The following ATRNL1 variants were observed in gnomAD, a reference collection of about 807,000 sequenced individuals.
ATRNL1 encodes the protein attractin-like protein 1.
ATRNL1 carries 95 observed loss-of-function variants against 182.7 expected under a neutral mutation model. The ratio of observed to expected loss-of-function variants is 0.52; its 90% CI spans 0.44 to 0.62. The LOEUF is 0.62. Ranked by LOEUF, ATRNL1 falls within the 20% of genes least tolerant of loss-of-function variation. The pLI is 0.00. For synonymous variants in ATRNL1, 576 were observed against 568.3 expected, an observed-to-expected ratio of 1.01 and a Z score of -0.19; for missense variants, 1,471 against 1,679.5, an observed-to-expected ratio of 0.88 and a Z score of 2.17.
chr10:115,916,132 TC>T (rs1162419956), intron 28 of ATRNL1, among the ~76,000 whole-genome samples: 1 of 152,026 alleles, frequency 6.6e-6, no homozygotes, highest in Admixed American at 6.5e-5. Flanking sequence ...TAGAATGCTT[TC>T]CAGTTTAAAT....
At chr10:115,300,323 G>A (rs949618310) in intron 16 of ATRNL1, 76 bp downstream of exon 16, 2 of 1,176,962 alleles carry the variant, frequency 1.7e-6, no homozygotes, top group East Asian at 2.5e-5. Context: ...CTTCTAGGGT[G>A]TAGTCTTATT....
chr10:115,613,291 GTTGT>G (rs1353108087), intron 26 of ATRNL1, among the ~76,000 whole-genome samples: 4 of 152,258 alleles, frequency 2.6e-5, no homozygotes, highest in Admixed American at 2.0e-4. Context: ...AGATTATCGT[GTTGT>G]TTGTTCTTTA....
intron 27 of ATRNL1, among the ~76,000 whole-genome samples, chr10:115,730,900 C>A (rs1555062548): frequency 6.6e-6 from 1 of 152,126 alleles, no homozygotes; most frequent in East Asian, 1.9e-4. Context: ...GAGAGCCAGT[C>A]CAAGTCCCAA....
At chr10:115,636,988 A>G (rs868989341) in intron 26 of ATRNL1, among the ~76,000 whole-genome samples, 10 of 152,216 alleles carry the variant, frequency 6.6e-5, no homozygotes, top group Non-Finnish European at 2.9e-5. Flanking sequence ...AGGACGATAA[A>G]AAAAGAAGAA....
intron 27 of ATRNL1, among the ~76,000 whole-genome samples, chr10:115,823,142 A>AATGT (rs1950344224): frequency 1.3e-5 from 2 of 150,964 alleles, no homozygotes; most frequent in Admixed American, 6.6e-5. Flanking sequence ...CTAATCAATA[A>AATGT]AATCCATCAC....
At chr10:115,346,525 TACAC>T (rs1439062063) in intron 19 of ATRNL1, among the ~76,000 whole-genome samples, 19 of 152,336 alleles carry the variant, frequency 1.2e-4, no homozygotes, top group African/African-American at 4.1e-4. Flanking sequence ...ATCTAGTTCT[TACAC>T]ACATCATATT....
intron 21 of ATRNL1, among the ~76,000 whole-genome samples, chr10:115,436,184 T>A (rs1846397645): frequency 6.6e-6 from 1 of 152,252 alleles, no homozygotes; most frequent in African/African-American, 2.4e-5. Flanking sequence ...GTTTTCTTCA[T>A]TGAACATTTC....
chr10:115,467,794 A>G (rs1026481282), intron 23 of ATRNL1, among the ~76,000 whole-genome samples: 38 of 150,692 alleles, frequency 2.5e-4, no homozygotes, highest in African/African-American at 8.5e-4. Flanking sequence ...TGACTTAAAA[A>G]GTATATCTGA....
At chr10:115,899,284 C>CTTCATCCA (rs1278998860) in intron 28 of ATRNL1, among the ~76,000 whole-genome samples, 1 of 152,050 alleles carries the variant, frequency 6.6e-6, no homozygotes, top group African/African-American at 2.4e-5. Flanking sequence ...TGGTTTCCAG[C>CTTCATCCA]TTCATCCATG....
chr10:115,208,622 C>T (rs1022532094), intron 8 of ATRNL1, among the ~76,000 whole-genome samples: 1 of 152,010 alleles, frequency 6.6e-6, no homozygotes, highest in Non-Finnish European at 1.5e-5. Flanking sequence ...TCCTGTAGTA[C>T]GAGGCCATTT....
chr10:115,944,671 C>T lies in ATRNL1; in HGVS notation c.4032C>T (p.Ala1344=). The change falls in exon 29 of 29, where the codon GCC becomes GCT. Residue 1344 remains alanine (A), a synonymous_variant. Transcript: ENST00000355044. ...CTTTCCTTCCAGGCCTTGCAATTGC[C>T]AGTGCCCTAATAGATATTTCACAAC... The part of the protein sequence containing the change: ...PPPGQSGLAI[A]SALIDISQQK... The T allele has an allele frequency of 6.2e-7, 1 of 1,610,496 alleles. No individual in the cohort carries two copies. Among genetic ancestry groups the T allele is most frequent in the Non-Finnish European group, 8.5e-7 (1 of 1,177,896 alleles).
intron 24 of ATRNL1, among the ~76,000 whole-genome samples, chr10:115,499,646 A>T (rs1280132327): frequency 6.6e-6 from 1 of 152,206 alleles, no homozygotes; most frequent in Non-Finnish European, 1.5e-5. Flanking sequence ...AGATGGGAAG[A>T]CTTGAAGGAG....
intron 27 of ATRNL1, among the ~76,000 whole-genome samples, chr10:115,766,024 A>G (rs1455862882): frequency 6.6e-6 from 1 of 152,018 alleles, no homozygotes; most frequent in Non-Finnish European, 1.5e-5. Context: ...CATACTATGT[A>G]TTTTCTTTAT....
chr10:115,504,647 A>G (rs549793715), intron 24 of ATRNL1, among the ~76,000 whole-genome samples: 2 of 152,246 alleles, frequency 1.3e-5, no homozygotes, highest in East Asian at 3.9e-4. Context: ...TATGCTGGCA[A>G]TTCTTAACAC....
At chr10:115,711,350 G>A (rs1214871895) in intron 26 of ATRNL1, among the ~76,000 whole-genome samples, 4 of 152,126 alleles carry the variant, frequency 2.6e-5, no homozygotes, top group Non-Finnish European at 5.9e-5. Context: ...TCATCTGCAG[G>A]CAGACTTGCT....
At chr10:115,794,674 A>G (rs554071814) in intron 27 of ATRNL1, among the ~76,000 whole-genome samples, 2 of 152,228 alleles carry the variant, frequency 1.3e-5, no homozygotes, top group Admixed American at 1.3e-4. Flanking sequence ...AAGTGATTCT[A>G]TATTCTTTTC....
At chr10:115,398,227 G>T (rs1274424650) in intron 20 of ATRNL1, among the ~76,000 whole-genome samples, 2 of 151,990 alleles carry the variant, frequency 1.3e-5, no homozygotes, top group African/African-American at 4.8e-5. Flanking sequence ...GCCGCAGTGG[G>T]CAGGGCATCA....
intron 27 of ATRNL1, among the ~76,000 whole-genome samples, chr10:115,763,687 T>C (rs1948788035): frequency 6.6e-6 from 1 of 152,142 alleles, no homozygotes; most frequent in Non-Finnish European, 1.5e-5. Context: ...GTCTGTTATA[T>C]GTATTTAGAA....
In ATRNL1 at chr10:115,832,433, CT is replaced by C. The variant is rs1429384416; in HGVS notation, c.3904-15442del. On this transcript the variant is annotated intron_variant, in intron 27 of 28. Coordinates refer to ENST00000355044, the MANE Select transcript of ATRNL1 (RefSeq NM_207303.4). Reference sequence around the variant, plus strand: ...ATAGAAAACCCTTTCTGTTGTGTTTCTTCTATACTTGCTCATCATTTGACAT... The same window carrying C: ...ATAGAAAACCCTTTCTGTTGTGTTTCTCTATACTTGCTCATCATTTGACAT... Among the ~76,000 whole-genome samples the C allele has an allele frequency of 4.6e-5, 7 of 152,332 alleles. No homozygotes were observed. The South Asian group carries it at 1.4e-3, about 32-fold the overall frequency.
Sources: gnomAD v4.1 joint callset for allele counts (sites outside exome capture counted in the v4.1 genomes callset) on GRCh38, gnomAD v4.1.1 for gene constraint, MANE v1.5 for transcripts, NCBI Gene and HGNC (gene_info 2026-07-23, HGNC 2026-07-21) for gene names.